The following ZNF704 variants were observed in gnomAD, a reference collection of about 807,000 sequenced individuals.
ZNF704 encodes the protein zinc finger protein 704.
In ZNF704, 10 loss-of-function variants were observed where a neutral mutation model predicts 44.7. The ratio of observed to expected loss-of-function variants is 0.22; its 90% CI spans 0.14 to 0.38. ZNF704 has a LOEUF of 0.38. Ranked by LOEUF, ZNF704 falls within the 10% of genes least tolerant of loss-of-function variation. The probability of loss-of-function intolerance (pLI) is 1.00; values close to 1 mark genes in which losing one functional copy is unlikely to be tolerated. For missense variants in ZNF704, 390 were observed against 545.5 expected, an observed-to-expected ratio of 0.71 and a Z score of 2.84; for synonymous variants, 211 against 207.6, an observed-to-expected ratio of 1.02 and a Z score of -0.14.
intron 7 of ZNF704, chr8:80,658,979 T>C (rs1435811975): frequency 6.6e-6 from 1 of 152,602 alleles, no homozygotes; most frequent in Non-Finnish European, 1.5e-5. Flanking sequence ...AAAGATCCAA[T>C]ATATTTTTTA....
chr8:80,868,631 C>T (rs1236373447), intron 1 of ZNF704, among the ~76,000 whole-genome samples: 1 of 152,206 alleles, frequency 6.6e-6, no homozygotes, highest in African/African-American at 2.4e-5. Context: ...TAAGATCCTC[C>T]TTCATATAAA....
At chr8:80,735,806 GCA>G (rs2131685976) in intron 2 of ZNF704, among the ~76,000 whole-genome samples, 1 of 152,266 alleles carries the variant, frequency 6.6e-6, no homozygotes, top group East Asian at 1.9e-4. Flanking sequence ...TGTAAAATAT[GCA>G]GACCTTCTAT....
intron 4 of ZNF704, among the ~76,000 whole-genome samples, chr8:80,684,408 T>C (rs1818501620): frequency 6.6e-6 from 1 of 152,200 alleles, no homozygotes; most frequent in Non-Finnish European, 1.5e-5. Flanking sequence ...AGTGACTCAT[T>C]AAATTGATTC....
intron 2 of ZNF704, among the ~76,000 whole-genome samples, chr8:80,727,746 C>T (rs920613010): frequency 2.0e-5 from 3 of 152,128 alleles, no homozygotes; most frequent in Non-Finnish European, 4.4e-5. Flanking sequence ...CTGGAGAGCT[C>T]CTTCCAGCCC....
intron 2 of ZNF704, among the ~76,000 whole-genome samples, chr8:80,779,465 C>T (rs757292789): frequency 5.3e-5 from 8 of 151,958 alleles, no homozygotes; most frequent in Non-Finnish European, 8.8e-5. Flanking sequence ...AGTCTTATCT[C>T]TTGGAAGATG....
chr8:80,759,970 C>T (rs75700215), intron 2 of ZNF704, among the ~76,000 whole-genome samples: 2,924 of 152,154 alleles, frequency 0.019, 102 homozygotes, highest in African/African-American at 0.067. Flanking sequence ...GTTACTCAGG[C>T]TGTCTTGAAT....
chr8:80,790,073 C>A (rs1429061722), intron 2 of ZNF704, among the ~76,000 whole-genome samples: 11 of 152,172 alleles, frequency 7.2e-5, no homozygotes, highest in Admixed American at 1.3e-4. Flanking sequence ...AATACCACAG[C>A]ATTTCCAGTG....
chr8:80,730,086 T>C (rs1370834883), intron 2 of ZNF704, among the ~76,000 whole-genome samples: 2 of 152,184 alleles, frequency 1.3e-5, no homozygotes, highest in Non-Finnish European at 2.9e-5. Flanking sequence ...CCTGAGAAGA[T>C]GCGATTGCAG....
At chr8:80,784,976 A>G (rs1482153812) in intron 2 of ZNF704, among the ~76,000 whole-genome samples, 2 of 152,178 alleles carry the variant, frequency 1.3e-5, no homozygotes, top group Non-Finnish European at 2.9e-5. Flanking sequence ...TAGTAGATAC[A>G]TTTGTCACAA....
chr8:80,880,849 A>C, the ZNF704 span, among the ~76,000 whole-genome samples: 1 of 152,270 alleles, frequency 6.6e-6, no homozygotes, highest in African/African-American at 2.4e-5. Context: ...ACATAAAATC[A>C]AGAATTAATA....
chr8:80,821,568 G>T lies in ZNF704; in HGVS notation c.27C>A (p.Asp9Glu). ...TTTTTTTACCACAGTCACGTTTTAA[G>T]TCCTCTGACTGAAATGTGAAGGTCA... The part of the protein sequence containing the change: MTFTFQSE[D>E]LKRDCGKKMS... The change falls in exon 2 of 9, where the codon GAC (aspartate) becomes GAA (glutamate). Residue 9 changes from aspartate (D) to glutamate (E), a missense_variant. This residue lies in a region of ZNF704 where 80 missense variants were observed against 83.7 expected (regional missense o/e 0.96). Transcript: ENST00000327835. The T allele has an allele frequency of 6.2e-7, 1 of 1,613,808 alleles. No homozygotes were observed. The highest frequency in any genetic ancestry group is 8.5e-7 in the Non-Finnish European group (1 of 1,179,958).
intron 2 of ZNF704, among the ~76,000 whole-genome samples, chr8:80,746,786 G>A (rs1806852527): frequency 6.6e-6 from 1 of 152,140 alleles, no homozygotes; most frequent in Non-Finnish European, 1.5e-5. Context: ...TCTCAGGAGT[G>A]AGTCAAAGAA....
intron 1 of ZNF704, among the ~76,000 whole-genome samples, chr8:80,851,098 G>A (rs1183130444): frequency 2.6e-5 from 4 of 152,144 alleles, no homozygotes; most frequent in Admixed American, 1.3e-4. Flanking sequence ...AAACTTGTAC[G>A]CACGTTACTG....
intron 2 of ZNF704, among the ~76,000 whole-genome samples, chr8:80,739,262 T>C (rs1203154641): frequency 6.6e-6 from 1 of 152,200 alleles, no homozygotes; most frequent in Non-Finnish European, 1.5e-5. Flanking sequence ...CAATCTCTTC[T>C]TATACATCAG....
rs187571014 is a variant in ZNF704, at chr8:80,819,730, C to A, written c.221+1644G>T. Among the ~76,000 whole-genome samples, 18 of 151,870 alleles carry A rather than the reference C, an allele frequency of 1.2e-4. No individual in the cohort carries two copies. The East Asian group carries it at 3.5e-3, about 29-fold the overall frequency. On this transcript the variant is annotated intron_variant, in intron 2 of 8. Coordinates refer to ENST00000327835, the MANE Select transcript of ZNF704 (RefSeq NM_001033723.3). ...CTAAATAACTTAACATGTATTTATACGAAAAACATTAGAAAAGCAAATAAT... is the reference window on the plus strand; with the variant it reads ...CTAAATAACTTAACATGTATTTATAAGAAAAACATTAGAAAAGCAAATAAT...
chr8:80,871,435 A>T (rs550168239), intron 1 of ZNF704, among the ~76,000 whole-genome samples: 1 of 152,292 alleles, frequency 6.6e-6, no homozygotes, highest in African/African-American at 2.4e-5. Context: ...ATCTCAGGTC[A>T]AATGTTCCCT....
rs534947056 is a variant in ZNF704 at position 80,831,267 on chromosome 8, T to C, written c.-21-9652A>G. Among the ~76,000 whole-genome samples, 304 of 152,278 alleles carry C rather than the reference T, an allele frequency of 2.0e-3. 1 individual carries two copies. Among genetic ancestry groups the C allele is most frequent in the Non-Finnish European group, 3.5e-3 (235 of 68,014 alleles). On this transcript the variant is annotated intron_variant, in intron 1 of 8. Transcript: ENST00000327835. ...AAATTCAGTCCCCATTCAAGCCACA[T>C]CCCGAGGCTTCCTTACTTTGGATGA... is the stretch of plus-strand genomic sequence containing the variant.
chr8:80,869,791 C>T (rs1042723653), intron 1 of ZNF704, among the ~76,000 whole-genome samples: 2 of 152,214 alleles, frequency 1.3e-5, no homozygotes, highest in Non-Finnish European at 2.9e-5. Flanking sequence ...GACTACATTG[C>T]ATTATGCAAG....
chr8:80,645,087 G>A (rs1010042168), intron 7 of ZNF704: 14 of 1,549,470 alleles, frequency 9.0e-6, no homozygotes, highest in Non-Finnish European at 6.2e-6. Flanking sequence ...GACCAGCTTG[G>A]CTATGTCCTT....
Sources: allele counts gnomAD v4.1 joint callset (sites outside exome capture counted in the v4.1 genomes callset), GRCh38; gene constraint gnomAD v4.1.1; regional missense constraint gnomAD v4.1.1; transcripts MANE v1.5; gene names NCBI Gene and HGNC (gene_info 2026-07-23, HGNC 2026-07-21).